Variants in DMD observed in about 807,000 individuals in gnomAD.
DMD encodes the protein dystrophin.
Under a neutral mutation model 330.1 loss-of-function variants are expected in DMD, and 63 were observed. The observed-to-expected ratio is 0.19, with a 90% CI of 0.16 to 0.24. The LOEUF is 0.24. DMD is among the 10% of genes least tolerant of loss of function. DMD has a pLI of 1.00. For synonymous variants in DMD, 1,223 were observed against 959.8 expected (o/e 1.27, Z -5.07); for missense variants, 3,344 against 2,684.1 (o/e 1.25, Z -5.43).
Position 31,121,816 on chromosome X carries a change from CAGG to C in DMD, c.*100_*102del. On this transcript the variant is annotated 3_prime_UTR_variant, in exon 79 of 79. Coordinates refer to ENST00000357033, the MANE Select transcript of DMD (RefSeq NM_004006.3). ...AATATTATAAAAACCATGCGGGAAT[CAGG>C]AGTTGTAAAACATTTATTCTGCTCC... 1 of 1,068,464 alleles carries C rather than the reference CAGG, an allele frequency of 9.4e-7. No individual in the cohort carries two copies. The highest frequency in any genetic ancestry group is 1.3e-6 in the Non-Finnish European group (1 of 765,204). 88.1% of individuals were successfully genotyped at this position (1,068,464 alleles called of 1,213,427 possible).
At chrX:31,322,728 C>T (rs184468845) in intron 62 of DMD, among the ~76,000 whole-genome samples, 1 of 111,721 alleles carries the variant, frequency 9.0e-6, no homozygotes, top group East Asian at 2.8e-4. Context: ...AAAACAGATT[C>T]GATAAAAGAT....
At chrX:32,126,191 T>A (rs1603626468) in intron 44 of DMD, among the ~76,000 whole-genome samples, 1 of 112,537 alleles carries the variant, frequency 8.9e-6, no homozygotes, top group East Asian at 2.8e-4. Context: ...TTGGTACATG[T>A]GTTTTATAAA....
chrX:32,400,808 T>C (rs2071280294), intron 30 of DMD, among the ~76,000 whole-genome samples: 1 of 107,566 alleles, frequency 9.3e-6, no homozygotes, highest in Admixed American at 1.0e-4. Context: ...AAATACCATT[T>C]GACCCAGCCA....
intron 76 of DMD, among the ~76,000 whole-genome samples, chrX:31,143,172 TTC>T (rs1487893304): frequency 2.7e-5 from 3 of 111,528 alleles, no homozygotes; most frequent in Non-Finnish European, 5.7e-5. Context: ...TATGGTTTGG[TTC>T]TGTGTCCCCA....
At chrX:31,711,863 T>C (rs1022077041) in intron 52 of DMD, among the ~76,000 whole-genome samples, 1 of 111,523 alleles carries the variant, frequency 9.0e-6, no homozygotes, top group Non-Finnish European at 1.9e-5. Flanking sequence ...CTACTTTATG[T>C]AACCTTTCTA....
chrX:32,896,057 C>T (rs1034581964), intron 2 of DMD, among the ~76,000 whole-genome samples: 1 of 111,346 alleles, frequency 9.0e-6, no homozygotes, highest in Non-Finnish European at 1.9e-5. Context: ...TCTAAGAGCA[C>T]AGCCTCTGAG....
intron 1 of DMD, among the ~76,000 whole-genome samples, chrX:33,295,436 A>G (rs959482605): frequency 9.0e-6 from 1 of 110,676 alleles, no homozygotes; most frequent in Non-Finnish European, 1.9e-5. Context: ...GTTAAAATAT[A>G]CCTACACAGT....
intron 44 of DMD, among the ~76,000 whole-genome samples, chrX:32,148,219 T>A (rs1403488754): frequency 3.6e-5 from 4 of 111,221 alleles, no homozygotes; most frequent in Non-Finnish European, 5.7e-5. Context: ...ATTTCTCATA[T>A]AGAAGTAATA....
At chrX:32,519,473 G>A (rs1306904698) in intron 17 of DMD, among the ~76,000 whole-genome samples, 2 of 111,011 alleles carry the variant, frequency 1.8e-5, no homozygotes, top group East Asian at 2.8e-4. Flanking sequence ...TCTATGGCTT[G>A]TTGTTATCTT....
At chrX:31,624,925 T>C (rs781554352) in intron 55 of DMD, among the ~76,000 whole-genome samples, 10 of 112,488 alleles carry the variant, frequency 8.9e-5, no homozygotes, top group African/African-American at 2.9e-4. Flanking sequence ...TCTTAAGGTA[T>C]GCTGCTTTAT....
At chrX:32,993,992 G>T (rs1485759383) in intron 2 of DMD, among the ~76,000 whole-genome samples, 1 of 110,665 alleles carries the variant, frequency 9.0e-6, no homozygotes, top group Non-Finnish European at 1.9e-5. Context: ...ATGAAGAGTG[G>T]ACAACCTGGC....
chrX:33,247,716 C>T (rs180942989), intron 1 of DMD, among the ~76,000 whole-genome samples: 68 of 111,837 alleles, frequency 6.1e-4, no homozygotes, highest in African/African-American at 2.1e-3. Context: ...ATATGTGACT[C>T]ATCCTGAATA....
intron 42 of DMD, among the ~76,000 whole-genome samples, chrX:32,305,304 T>C (rs1033669276): frequency 9.0e-6 from 1 of 111,195 alleles, no homozygotes; most frequent in African/African-American, 3.3e-5. Context: ...GTATTAAAAA[T>C]CTCTGTTGCC....
chrX:31,800,808 C>T (rs2092026173), intron 50 of DMD, among the ~76,000 whole-genome samples: 1 of 111,883 alleles, frequency 8.9e-6, no homozygotes, highest in Admixed American at 9.5e-5. Flanking sequence ...AGTCTCTTTG[C>T]TAAAGCTTAG....
chrX:31,517,490 G>A (rs749822108), intron 55 of DMD, among the ~76,000 whole-genome samples: 9 of 111,863 alleles, frequency 8.0e-5, no homozygotes, highest in Non-Finnish European at 1.5e-4. Flanking sequence ...TTAGAATGCC[G>A]CCTGGAGATT....
intron 44 of DMD, among the ~76,000 whole-genome samples, chrX:32,112,720 G>T (rs2096594407): frequency 9.0e-6 from 1 of 111,710 alleles, no homozygotes; most frequent in African/African-American, 3.3e-5. Context: ...AGACCACAAA[G>T]ATGAGATTTG....
chrX:31,476,161 G>C (rs902503132), intron 59 of DMD, among the ~76,000 whole-genome samples: 10 of 107,164 alleles, frequency 9.3e-5, no homozygotes, highest in African/African-American at 3.4e-4. Flanking sequence ...CTGCTTGGTG[G>C]GAGTTGGGGG....
At chrX:33,228,281 G>T (rs2052327200) in intron 1 of DMD, among the ~76,000 whole-genome samples, 2 of 16,926 alleles carry the variant, frequency 1.2e-4, no homozygotes, top group Admixed American at 2.9e-3. Flanking sequence ...AAGTTTAAGT[G>T]TGTGTGTGTG....
chrX:32,625,340 C>A (rs1159719170), intron 11 of DMD, among the ~76,000 whole-genome samples: 1 of 111,223 alleles, frequency 9.0e-6, no homozygotes, highest in African/African-American at 3.3e-5. Flanking sequence ...GCTAGTAAGG[C>A]TCAGAAACTG....
Sources: gnomAD v4.1 joint callset for allele counts (sites outside exome capture counted in the v4.1 genomes callset) on GRCh38, gnomAD v4.1.1 for gene constraint, MANE v1.5 for transcripts, NCBI Gene and HGNC (gene_info 2026-07-23, HGNC 2026-07-21) for gene names.